The following SYT16 variants were observed in gnomAD, a reference collection of about 807,000 sequenced individuals.
SYT16 encodes synaptotagmin-16.
SYT16 carries 42 observed loss-of-function variants against 61.4 expected under a neutral mutation model. The ratio of observed to expected loss-of-function variants is 0.68; its 90% confidence interval spans 0.53 to 0.89. The LOEUF is 0.89. SYT16 is among the 40% of genes least tolerant of loss of function. SYT16 has a pLI of 0.00. For missense variants in SYT16, 804 were observed against 807.3 expected (o/e 1.00, Z 0.05); for synonymous variants, 314 against 302.3 (o/e 1.04, Z -0.40).
At chr14:61,943,887 A>G (rs2050312953) in intron 1 of SYT16, among the ~76,000 whole-genome samples, 1 of 152,214 alleles carries the variant, frequency 6.6e-6, no homozygotes, top group African/African-American at 2.4e-5. Flanking sequence ...GGCCAGGGCA[A>G]TCAGGCAAGA....
chr14:62,080,760 A>T, intron 5 of SYT16, 74 bp from the exon 6 acceptor site: 1 of 1,449,416 alleles, frequency 6.9e-7, no homozygotes. Context: ...AGGAGCACAA[A>T]GGGGCACCAA....
intron 1 of SYT16, among the ~76,000 whole-genome samples, chr14:61,914,838 A>G (rs909501395): frequency 1.3e-5 from 2 of 152,178 alleles, no homozygotes; most frequent in Non-Finnish European, 2.9e-5. Context: ...TCCAGACAGC[A>G]GCAAACTGAG....
rs570835387 is a variant in SYT16, at chr14:61,946,811, G to A, written c.-324-23321G>A. 5.9e-5 allele frequency among the ~76,000 whole-genome samples: 9 copies of A among 152,288 alleles called. No homozygotes were observed. The East Asian group carries it at 1.7e-3, about 29-fold the overall frequency. Reference sequence around the variant, plus strand: ...TTGCAACCATATGTTTTGAGAAATGGTTGAAGAAACTGCAATTGTTTAGAT... The same window carrying A: ...TTGCAACCATATGTTTTGAGAAATGATTGAAGAAACTGCAATTGTTTAGAT... On this transcript the variant is annotated intron_variant, in intron 1 of 7. Transcript: ENST00000683842.
intron 2 of SYT16, among the ~76,000 whole-genome samples, chr14:61,992,442 C>G (rs779028503): frequency 6.6e-6 from 1 of 152,146 alleles, no homozygotes; most frequent in African/African-American, 2.4e-5. Context: ...GCGGGAGCTC[C>G]GTGAGTTGCT....
Position 62,105,375 on chromosome 14 carries a change from A to G in SYT16, c.*4668A>G, listed in dbSNP as rs1473765635. 1.3e-5 allele frequency: 2 copies of G among 152,224 alleles called. No homozygotes were observed. Among genetic ancestry groups the G allele is most frequent in the East Asian group, 1.9e-4 (1 of 5,198 alleles). The allele number at this position is 152,224 out of a possible 1,614,324, so 9.4% of individuals were successfully genotyped here. ...AAAAAAGTAAAATAAATGATGTGAT[A>G]CTATACTGAGACTGTTTTAAAAATG... On this transcript the variant is annotated 3_prime_UTR_variant, in exon 8 of 8. Coordinates refer to ENST00000683842, the MANE Select transcript of SYT16 (RefSeq NM_001367656.1).
intron 3 of SYT16, among the ~76,000 whole-genome samples, chr14:62,059,365 G>A (rs1296556594): frequency 6.6e-6 from 1 of 152,086 alleles, no homozygotes; most frequent in Non-Finnish European, 1.5e-5. Context: ...AATTTATGAA[G>A]TGTCTGGATT....
chr14:61,850,482 T>C (rs1287962682), intron 1 of SYT16, among the ~76,000 whole-genome samples: 1 of 152,188 alleles, frequency 6.6e-6, no homozygotes, highest in Non-Finnish European at 1.5e-5. Context: ...TTTCATGTGG[T>C]TTGTTAGCTG....
At chr14:62,043,579 TTG>T (rs1374446423) in intron 3 of SYT16, among the ~76,000 whole-genome samples, 12 of 152,134 alleles carry the variant, frequency 7.9e-5, no homozygotes, top group Admixed American at 7.2e-4. Context: ...AGCTAATTTT[TTG>T]TGTTTTTGGT....
In SYT16 at chr14:62,101,812, A is replaced by AT. The variant is rs1412369686; in HGVS notation, c.*1112dup. 1.3e-5 allele frequency: 2 copies of AT among 152,174 alleles called. No homozygotes were observed. The highest frequency in any genetic ancestry group is 1.9e-4 in the East Asian group (1 of 5,178). The allele number at this position is 152,174 out of a possible 1,614,324, so 9.4% of individuals were successfully genotyped here. A position where few individuals can be genotyped will look rare whatever the true frequency, so the allele number is the denominator to read the frequency against. On this transcript the variant is annotated 3_prime_UTR_variant, in exon 8 of 8. Coordinates refer to ENST00000683842, the MANE Select transcript of SYT16 (RefSeq NM_001367656.1). ...AGCATTTGAAGTGCCTATAACTGTC[A>AT]TTTTTTTATGGCATTTGCAGCAACA...
At chr14:62,057,247 G>A (rs2055603896) in intron 3 of SYT16, among the ~76,000 whole-genome samples, 1 of 152,160 alleles carries the variant, frequency 6.6e-6, no homozygotes, top group Non-Finnish European at 1.5e-5. Context: ...GCATCCTTCA[G>A]TCCAATCAAG....
rs139719880 is a variant in SYT16, at chr14:61,959,692, G to A, written c.-324-10440G>A. On this transcript the variant is annotated intron_variant, in intron 1 of 7. Coordinates refer to ENST00000683842, the MANE Select transcript of SYT16 (RefSeq NM_001367656.1). ...TGCCACTACAGTAGCACAATATTCTGTGTTTATATTTACCTTTAGTAGTGA... is the reference window on the plus strand; with the variant it reads ...TGCCACTACAGTAGCACAATATTCTATGTTTATATTTACCTTTAGTAGTGA... Among the ~76,000 whole-genome samples, 84 of 152,176 alleles carry A rather than the reference G, an allele frequency of 5.5e-4. No individual in the cohort carries two copies. The East Asian group carries it at 0.014, about 26-fold the overall frequency.
In SYT16 at chr14:62,100,807, C is replaced by A; in HGVS notation, c.*100C>A. 8.3e-7 allele frequency: 1 copy of A among 1,211,130 alleles called. No individual in the cohort carries two copies. Among genetic ancestry groups the A allele is most frequent in the Non-Finnish European group, 1.1e-6 (1 of 880,492 alleles). The allele number at this position is 1,211,130 out of a possible 1,614,324, so 75.0% of individuals were successfully genotyped here. A position where few individuals can be genotyped will look rare whatever the true frequency, so the allele number is the denominator to read the frequency against. ...GGCAAGGGTTTCAGGGTTTCAAAAA[C>A]AGATTCCACTAACCCCTAGGACATT... On this transcript the variant is annotated 3_prime_UTR_variant, in exon 8 of 8. Coordinates refer to ENST00000683842, the MANE Select transcript of SYT16 (RefSeq NM_001367656.1).
chr14:62,015,484 C>T (rs948305021), intron 3 of SYT16, among the ~76,000 whole-genome samples: 2 of 63,918 alleles, frequency 3.1e-5, no homozygotes, highest in Admixed American at 2.0e-4. Flanking sequence ...TTGCCTTGAC[C>T]TTCTCCTCCC....
chr14:61,921,763 AAG>A (rs899400835), intron 1 of SYT16, among the ~76,000 whole-genome samples: 2 of 152,176 alleles, frequency 1.3e-5, no homozygotes, highest in African/African-American at 4.8e-5. Context: ...AGAACCCAGC[AAG>A]AGAGAGTGGA....
chr14:62,057,018 G>A (rs1396607781), intron 3 of SYT16, among the ~76,000 whole-genome samples: 1 of 152,168 alleles, frequency 6.6e-6, no homozygotes, highest in Non-Finnish European at 1.5e-5. Context: ...CACGACCGGG[G>A]ACAGGAGGAG....
At chr14:62,006,207 T>C (rs2053219028) in intron 3 of SYT16, among the ~76,000 whole-genome samples, 1 of 152,142 alleles carries the variant, frequency 6.6e-6, no homozygotes, top group African/African-American at 2.4e-5. Flanking sequence ...TTTTTGTTTT[T>C]GATTTTACTG....
intron 1 of SYT16, among the ~76,000 whole-genome samples, chr14:61,952,596 T>A (rs1201020905): frequency 1.3e-5 from 2 of 152,226 alleles, no homozygotes; most frequent in African/African-American, 4.8e-5. Context: ...TCTCAGAAGA[T>A]GATGGACTTA....
intron 1 of SYT16, among the ~76,000 whole-genome samples, chr14:61,914,626 A>T (rs1442148602): frequency 6.6e-6 from 1 of 151,534 alleles, no homozygotes; most frequent in Non-Finnish European, 1.5e-5. Context: ...CCTTGGGGTT[A>T]TCTTTGACTC....
At chr14:61,844,707 C>G (rs1483344094) in intron 1 of SYT16, among the ~76,000 whole-genome samples, 5 of 152,266 alleles carry the variant, frequency 3.3e-5, no homozygotes, top group African/African-American at 9.6e-5. Flanking sequence ...ATATGTTGAA[C>G]CATCCTTGCA....
Sources: allele counts gnomAD v4.1 joint callset (sites outside exome capture counted in the v4.1 genomes callset), GRCh38; gene constraint gnomAD v4.1.1; transcripts MANE v1.5; gene names NCBI Gene and HGNC (gene_info 2026-07-23, HGNC 2026-07-21).